The following DNAH3 variants were observed in gnomAD, a reference collection of about 807,000 sequenced individuals.
DNAH3 encodes the protein axonemal beta dynein heavy chain 3.
A neutral mutation model predicts 432.5 loss-of-function variants in DNAH3; 332 were observed. The observed-to-expected ratio is 0.77, with a 90% CI of 0.70 to 0.84. DNAH3 has a LOEUF of 0.84. Among genes scored for constraint, DNAH3 ranks in the 40% least tolerant of loss-of-function variants. DNAH3 has a pLI of 0.00. For missense variants in DNAH3, 4,861 were observed against 5,114.0 expected, an observed-to-expected ratio of 0.95 and a Z score of 1.51; for synonymous variants, 1,956 against 1,900.2, an observed-to-expected ratio of 1.03 and a Z score of -0.76.
intron 31 of DNAH3, among the ~76,000 whole-genome samples, chr16:21,049,200 G>C (rs2089850658): frequency 1.3e-5 from 2 of 151,820 alleles, no homozygotes; most frequent in South Asian, 4.2e-4. Context: ...CTGGGCTCAA[G>C]TGATCCTCCC....
At chr16:21,141,069 G>A (rs963207535) in intron 4 of DNAH3, among the ~76,000 whole-genome samples, 2 of 152,020 alleles carry the variant, frequency 1.3e-5, no homozygotes, top group African/African-American at 4.8e-5. Context: ...AACCCGGGAG[G>A]CAGATGTTGC....
At chr16:21,146,634 A>G (rs1775449289) in intron 1 of DNAH3, among the ~76,000 whole-genome samples, 1 of 152,226 alleles carries the variant, frequency 6.6e-6, no homozygotes, top group Non-Finnish European at 1.5e-5. Flanking sequence ...AGCGTTGTTC[A>G]AGAATACAAT....
intron 41 of DNAH3, among the ~76,000 whole-genome samples, chr16:21,013,047 GA>G (rs1567636003): frequency 6.6e-6 from 1 of 152,062 alleles, no homozygotes; most frequent in African/African-American, 2.4e-5. Flanking sequence ...TTACAGGTGT[GA>G]GCCACCGTGC....
At chr16:20,961,703 G>A (rs545147329) in intron 53 of DNAH3, among the ~76,000 whole-genome samples, 81 of 149,776 alleles carry the variant, frequency 5.4e-4, no homozygotes, top group Middle Eastern at 6.8e-3. Flanking sequence ...AACCATCCCC[G>A]CCAACAGCTT....
intron 57 of DNAH3, among the ~76,000 whole-genome samples, chr16:20,948,245 T>C (rs994130741): frequency 1.8e-4 from 27 of 152,150 alleles, no homozygotes; most frequent in African/African-American, 6.5e-4. Context: ...CTCTCCTTCC[T>C]CCACCCAGAT....
intron 60 of DNAH3, among the ~76,000 whole-genome samples, chr16:20,936,309 T>A (rs2083587628): frequency 6.6e-6 from 1 of 152,100 alleles, no homozygotes; most frequent in Non-Finnish European, 1.5e-5. Context: ...TAAGCCACTA[T>A]GCCCTGCTGA....
chr16:21,110,671 G>A (rs1372408544), intron 14 of DNAH3, among the ~76,000 whole-genome samples: 2 of 152,086 alleles, frequency 1.3e-5, no homozygotes, highest in Admixed American at 1.3e-4. Context: ...TGTCTAACAC[G>A]TAGTTGTCAG....
intron 41 of DNAH3, among the ~76,000 whole-genome samples, chr16:21,004,160 A>T (rs910473063): frequency 6.6e-6 from 1 of 152,180 alleles, no homozygotes; most frequent in South Asian, 2.1e-4. Flanking sequence ...ATGCTTTATA[A>T]GTCATTTAAT....
At chr16:21,012,443 T>A (rs1486629209) in intron 41 of DNAH3, among the ~76,000 whole-genome samples, 2 of 152,216 alleles carry the variant, frequency 1.3e-5, no homozygotes, top group Non-Finnish European at 2.9e-5. Flanking sequence ...AGAAGAAATT[T>A]AAATTAGATA....
intron 16 of DNAH3, among the ~76,000 whole-genome samples, chr16:21,101,728 G>T (rs2091842830): frequency 6.6e-6 from 1 of 152,188 alleles, no homozygotes; most frequent in African/African-American, 2.4e-5. Context: ...GGAGGAGGAG[G>T]CATTGACATC....
chr16:21,104,379 GC>G, intron 16 of DNAH3, 91 bp downstream of exon 16: 1 of 1,106,598 alleles, frequency 9.0e-7, no homozygotes, highest in Non-Finnish European at 1.4e-6. Flanking sequence ...CATGGAGTGA[GC>G]TGGGGGATGG....
chr16:21,008,220 A>G (rs767176396), intron 41 of DNAH3, among the ~76,000 whole-genome samples: 7 of 151,670 alleles, frequency 4.6e-5, no homozygotes, highest in Non-Finnish European at 7.4e-5. Flanking sequence ...TCTCTCTCTG[A>G]TGTGTGCATG....
intron 21 of DNAH3, among the ~76,000 whole-genome samples, chr16:21,071,031 T>C (rs1180830375): frequency 1.3e-5 from 2 of 151,702 alleles, no homozygotes. Flanking sequence ...ACTACAGGCA[T>C]ATGCCACCAT....
chr16:21,080,237 C>A (rs773950430), intron 20 of DNAH3, among the ~76,000 whole-genome samples: 1 of 152,138 alleles, frequency 6.6e-6, no homozygotes, highest in Non-Finnish European at 1.5e-5. Context: ...GAGGAGGTTG[C>A]AGTGAGCCGA....
intron 14 of DNAH3, among the ~76,000 whole-genome samples, chr16:21,109,013 C>T (rs1365406298): frequency 6.6e-6 from 1 of 151,520 alleles, no homozygotes; most frequent in African/African-American, 2.4e-5. Flanking sequence ...ATCCCAGCTA[C>T]TCAGGAGGCT....
In DNAH3 at chr16:21,063,507, A is replaced by ATATTT. The variant is rs994732981; in HGVS notation, c.3519-829_3519-825dup. ...TTATTTTATTTTATTTTATTATTTT[A>ATATTT]TATTTTATTTTATTTTATTTTATTT... On this transcript the variant is annotated intron_variant, in intron 24 of 61. Coordinates refer to ENST00000261383, the Ensembl canonical transcript of DNAH3. 2.4e-3 allele frequency among the ~76,000 whole-genome samples: 349 copies of ATATTT among 147,840 alleles called. 4 individuals carry two copies. The highest frequency in any genetic ancestry group is 2.2e-3 in the East Asian group (11 of 5,090).
At chr16:20,989,905 GGGGC>G (rs1279142183) in intron 44 of DNAH3, among the ~76,000 whole-genome samples, 3 of 152,184 alleles carry the variant, frequency 2.0e-5, no homozygotes, top group African/African-American at 7.2e-5. Context: ...CTCATTGCCC[GGGGC>G]CGGCAGGGCC....
At chr16:21,141,340 T>G (rs763454209) in exon 4 of DNAH3, 2 of 1,592,442 alleles carry the variant, frequency 1.3e-6, no homozygotes, top group East Asian at 2.3e-5. Context: ...AACTTCGTTT[T>G]TTTCCTCATG....
At chr16:21,050,408 G>A (rs945455593) in intron 29 of DNAH3, among the ~76,000 whole-genome samples, 10 of 152,210 alleles carry the variant, frequency 6.6e-5, no homozygotes, top group Middle Eastern at 3.4e-3. Flanking sequence ...CTAATGGAAT[G>A]GTTAAAATAT....
Sources: allele counts gnomAD v4.1 joint callset (sites outside exome capture counted in the v4.1 genomes callset), GRCh38; gene constraint gnomAD v4.1.1; transcripts MANE v1.5; gene names NCBI Gene and HGNC (gene_info 2026-07-23, HGNC 2026-07-21).